Variants in NCKIPSD observed in about 807,000 individuals in gnomAD.
NCKIPSD encodes the protein NCK-interacting protein with SH3 domain.
NCKIPSD carries 48 observed loss-of-function variants against 73.4 expected under a neutral mutation model. That is an observed-to-expected ratio of 0.65 (90% CI 0.52 to 0.83). NCKIPSD has a LOEUF of 0.83. Among genes scored for constraint, NCKIPSD ranks in the 40% least tolerant of loss-of-function variants. NCKIPSD has a pLI of 0.00. For synonymous variants in NCKIPSD, 422 were observed against 403.6 expected, an observed-to-expected ratio of 1.05 and a Z score of -0.54; for missense variants, 884 against 970.2, an observed-to-expected ratio of 0.91 and a Z score of 1.18.
At chr3:48,681,850 C>T in intron 4 of NCKIPSD, 70 bp from the exon 5 acceptor site, 1 of 1,459,896 alleles carries the variant, frequency 6.8e-7, no homozygotes, top group Non-Finnish European at 9.0e-7. Context: ...AGCCCAGATC[C>T]CCTGTCCCCT....
chr3:48,679,340 G>A (rs2077308485), intron 9 of NCKIPSD, 37 bp downstream of exon 9: 1 of 1,613,650 alleles, frequency 6.2e-7, no homozygotes, highest in Non-Finnish European at 8.5e-7. Flanking sequence ...CCCTGGCTTA[G>A]GACCTGTGAT....
chr3:48,675,528 G>GATATATATATATATATATATATATGAT (rs5848856), intron 12 of NCKIPSD, among the ~76,000 whole-genome samples: 1 of 122,300 alleles, frequency 8.2e-6, no homozygotes, highest in Non-Finnish European at 1.6e-5. Context: ...ATATATATAT[G>GATATATATATATATATATATATATGAT]ATATATATAT....
chr3:48,681,946 C>T (rs1175152093), intron 4 of NCKIPSD, 99 bp downstream of exon 4: 11 of 1,494,350 alleles, frequency 7.4e-6, no homozygotes, highest in Non-Finnish European at 9.9e-6. Context: ...GTCCTGTCCT[C>T]TTCCCCAGCT....
intron 5 of NCKIPSD, among the ~76,000 whole-genome samples, chr3:48,680,615 G>A (rs1444052561): frequency 1.3e-5 from 2 of 152,108 alleles, no homozygotes; most frequent in African/African-American, 2.4e-5. Flanking sequence ...GGCACTAGCT[G>A]TTGTGCCCAG....
chr3:48,682,188 G>A (rs373688174), intron 3 of NCKIPSD, 32 bp from the exon 4 acceptor site: 20 of 1,586,302 alleles, frequency 1.3e-5, no homozygotes, highest in Middle Eastern at 1.7e-4. Context: ...TTGGAGGACA[G>A]ACTGACATCT....
intron 1 of NCKIPSD, among the ~76,000 whole-genome samples, chr3:48,684,019 C>CACACACACAGAG (rs563262573): frequency 8.4e-4 from 119 of 141,326 alleles, no homozygotes; most frequent in African/African-American, 2.8e-3. Flanking sequence ...CACACACACA[C>CACACACACAGAG]AGAGAGAGAG....
At chr3:48,675,828 G>C (rs2077249946) in intron 12 of NCKIPSD, among the ~76,000 whole-genome samples, 2 of 151,990 alleles carry the variant, frequency 1.3e-5, no homozygotes, top group Non-Finnish European at 2.9e-5. Context: ...TTACAGGCGT[G>C]AACCACCACG....
chr3:48,678,655 G>T lies in NCKIPSD; in HGVS notation c.1874C>A (p.Pro625Gln), dbSNP rs140072076. The T allele has an allele frequency of 4.3e-3, 6,953 of 1,614,194 alleles. 26 individuals are homozygous for T. The highest frequency in any genetic ancestry group is 5.2e-3 in the Non-Finnish European group (6,094 of 1,180,028). The change falls in exon 12 of 13, where the codon CCG (proline) becomes CAG (glutamine). Residue 625 changes from proline (P) to glutamine (Q), a missense_variant. Coordinates refer to ENST00000294129, the MANE Select transcript of NCKIPSD (RefSeq NM_016453.4). Reference protein sequence around the residue: ...LKFLQDVFGSPATAAIFYHTD... With the variant: ...LKFLQDVFGSQATAAIFYHTD... ...GTGGTAGAAGATGGCAGCTGTGGCC[G>T]GGCTGCCAAACACGTCCTGCAGGAA...
chr3:48,678,811 T>G, intron 11 of NCKIPSD, 66 bp downstream of exon 11: 1 of 1,612,324 alleles, frequency 6.2e-7, no homozygotes, highest in Non-Finnish European at 8.5e-7. Flanking sequence ...GTTACGGGAG[T>G]CATTGCAGGG....
Position 48,679,389 on chromosome 3 carries a change from A to G in NCKIPSD, c.1558T>C (p.Tyr520His). The change falls in exon 9 of 13, where the codon TAT (tyrosine) becomes CAT (histidine). Residue 520 changes from tyrosine to histidine, a missense_variant. By Grantham distance (83) the Tyr-to-His change is moderately conservative. Transcript: ENST00000294129. ...MVFSMGEAVP[Y>H]AHYEHLGTPF... ...ACTGCATTCTTACCATAGTGTGCAT[A>G]GGGCACTGCCTCTCCCATGGAGAAG... 3.1e-6 allele frequency: 5 copies of G among 1,614,162 alleles called. No homozygotes were observed. The highest frequency in any genetic ancestry group is 4.2e-6 in the Non-Finnish European group (5 of 1,180,024).
At chr3:48,682,870 G>A (rs9812977) in intron 2 of NCKIPSD, 33 bp downstream of exon 2, 151,076 of 1,533,900 alleles carry the variant, frequency 0.098, 7,662 homozygotes, top group African/African-American at 0.11. Flanking sequence ...CATGCTCACC[G>A]GGAGGTCCCA....
intron 2 of NCKIPSD, 111 bp downstream of exon 2, chr3:48,682,792 C>A: frequency 6.9e-7 from 1 of 1,444,100 alleles, no homozygotes; most frequent in Non-Finnish European, 9.3e-7. Flanking sequence ...TCCCCCACCA[C>A]CCTTGCCAAC....
chr3:48,673,927 A>G lies in NCKIPSD; in HGVS notation c.*617T>C, dbSNP rs2077212765. On this transcript the variant is annotated 3_prime_UTR_variant, in exon 13 of 13. Transcript: ENST00000294129. Reference sequence around the variant, plus strand: ...ATGGCTTTTCAGTCTACATTTTTACAGAGAAAAGAGATTCGGTCATTGGCT... The same window carrying G: ...ATGGCTTTTCAGTCTACATTTTTACGGAGAAAAGAGATTCGGTCATTGGCT... The G allele has an allele frequency of 1.9e-6, 2 of 1,062,344 alleles. No individual in the cohort carries two copies. Among genetic ancestry groups the G allele is most frequent in the South Asian group, 4.5e-5 (1 of 21,998 alleles). The allele number at this position is 1,062,344 out of a possible 1,614,324, so 65.8% of individuals were successfully genotyped here.
intron 5 of NCKIPSD, among the ~76,000 whole-genome samples, chr3:48,680,868 T>TA (rs2077339729): frequency 6.6e-6 from 1 of 152,154 alleles, no homozygotes; most frequent in African/African-American, 2.4e-5. Flanking sequence ...CCATGTCTCT[T>TA]ACTGCCAAGG....
At position 48,680,242 on chromosome 3, in the gene NCKIPSD, G is replaced by A. The variant is rs756462133; in HGVS notation, c.1093-13C>T. ...CCATGCTGAGGTCCTAGAGGGAGAG[G>A]GCAAGGCATGACTCAGCACACTCCC... On this transcript the variant is annotated splice_polypyrimidine_tract_variant and intron_variant, in intron 5 of 12. Transcript: ENST00000294129. 3.1e-6 allele frequency: 5 copies of A among 1,597,222 alleles called. No individual in the cohort carries two copies. The African/African-American group carries it at 4.0e-5, about 13-fold the overall frequency.
rs2077429780 is a variant in NCKIPSD, at chr3:48,685,826, T to C, written c.-19A>G. 1 of 1,422,340 alleles carries C rather than the reference T, an allele frequency of 7.0e-7. No homozygotes were observed. Among genetic ancestry groups the C allele is most frequent in the Non-Finnish European group, 9.1e-7 (1 of 1,095,394 alleles). The allele number at this position is 1,422,340 out of a possible 1,614,324, so 88.1% of individuals were successfully genotyped here. On this transcript the variant is annotated 5_prime_UTR_variant, in exon 1 of 13. Coordinates refer to ENST00000294129, the MANE Select transcript of NCKIPSD (RefSeq NM_016453.4). ...GGTACATGAGGCCGGGCAGGGCAGG[T>C]GCAGGGAAGGTGGCAAGGGCTGCGG...
In NCKIPSD at chr3:48,682,490, G is replaced by A; in HGVS notation, c.344C>T (p.Ala115Val). 6.2e-7 allele frequency: 1 copy of A among 1,614,168 alleles called. No individual in the cohort carries two copies. ...SRRGPSASSV[A>V]VMTSSTSDHH... ...GTCACTGGTTGATGAGGTCATAACT[G>A]CAACACTGGAGGCTGAAGGGCCTCT... Residue 115 changes from alanine (A) to valine (V), a missense_variant, in exon 3 of 13, where the codon GCA becomes GTA. Transcript: ENST00000294129.
Position 48,680,246 on chromosome 3 carries a change from A to G in NCKIPSD, c.1093-17T>C. The G allele has an allele frequency of 1.9e-6, 3 of 1,594,476 alleles. No homozygotes were observed. The highest frequency in any genetic ancestry group is 3.4e-5 in the Admixed American group (2 of 58,346). ...GCTGAGGTCCTAGAGGGAGAGGGCAAGGCATGACTCAGCACACTCCCTGCC... is the reference window on the plus strand; with the variant it reads ...GCTGAGGTCCTAGAGGGAGAGGGCAGGGCATGACTCAGCACACTCCCTGCC... On this transcript the variant is annotated splice_polypyrimidine_tract_variant and intron_variant, in intron 5 of 12. Coordinates refer to ENST00000294129, the MANE Select transcript of NCKIPSD (RefSeq NM_016453.4).
In NCKIPSD at chr3:48,678,855, G is replaced by A. The variant is rs201288471; in HGVS notation, c.1792+22C>T. 4.9e-5 allele frequency: 79 copies of A among 1,613,802 alleles called. No homozygotes were observed. In the Middle Eastern group the frequency reaches 6.6e-4, roughly 13 times the overall value. ...GTCACAGGGCATGGAAGTGGTACCCGCGCAGATTCCCGGGCCCTCACCCCC... is the reference window on the plus strand; with the variant it reads ...GTCACAGGGCATGGAAGTGGTACCCACGCAGATTCCCGGGCCCTCACCCCC... On this transcript the variant is annotated intron_variant, in intron 11 of 12. Transcript: ENST00000294129.
Sources: gnomAD v4.1 joint callset for allele counts (sites outside exome capture counted in the v4.1 genomes callset) on GRCh38, gnomAD v4.1.1 for gene constraint, MANE v1.5 for transcripts, NCBI Gene and HGNC (gene_info 2026-07-23, HGNC 2026-07-21) for gene names.